XRN2: variants seen among roughly 807,000 people sequenced by gnomAD.
XRN2 encodes 5'-3' exoribonuclease 2.
A neutral mutation model predicts 138.5 loss-of-function variants in XRN2; 44 were observed. The ratio of observed to expected loss-of-function variants is 0.32; its 90% CI spans 0.25 to 0.41. The LOEUF is 0.41. Among genes scored for constraint, XRN2 ranks in the 10% least tolerant of loss-of-function variants. The probability of loss-of-function intolerance (pLI) is 1.00; values close to 1 mark genes in which losing one functional copy is unlikely to be tolerated. For synonymous variants in XRN2, 354 were observed against 369.4 expected (o/e 0.96, Z 0.48); for missense variants, 937 against 1,169.3 (o/e 0.80, Z 2.90).
intron 24 of XRN2, among the ~76,000 whole-genome samples, chr20:21,363,564 T>TG (rs1220260384): frequency 1.5e-4 from 23 of 152,112 alleles, no homozygotes; most frequent in Admixed American, 1.5e-3. Flanking sequence ...CAGTGAAGAG[T>TG]GAGTTGTAAG....
At chr20:21,356,795 C>G in intron 23 of XRN2, 130 bp downstream of exon 23, 1 of 833,668 alleles carries the variant, frequency 1.2e-6, no homozygotes, top group Non-Finnish European at 1.8e-6. Context: ...CAAAACCTTG[C>G]TGACTGAAAA....
At chr20:21,375,625 ATATT>A (rs1287343762) in intron 27 of XRN2, among the ~76,000 whole-genome samples, 1 of 151,480 alleles carries the variant, frequency 6.6e-6, no homozygotes, top group African/African-American at 2.4e-5. Context: ...TTTTAAAAAT[ATATT>A]TATTTCTTAA....
chr20:21,358,940 A>T (rs184632975), intron 24 of XRN2, among the ~76,000 whole-genome samples: 27 of 152,316 alleles, frequency 1.8e-4, no homozygotes, highest in Middle Eastern at 3.4e-3. Context: ...GGCTTTCATT[A>T]AAGCATTGGC....
intron 1 of XRN2, among the ~76,000 whole-genome samples, chr20:21,308,877 C>T (rs2037839724): frequency 1.3e-5 from 2 of 151,878 alleles, no homozygotes; most frequent in African/African-American, 2.4e-5. Context: ...TTAAGGAATC[C>T]TTTGTCAAAG....
rs760429916 is a variant in XRN2, at chr20:21,346,496, A to G, written c.1611A>G (p.Lys537=). The part of the protein sequence containing the change: ...VDAADEKFRR[K]VVQSYVEGLC... ...CAGCTGATGAGAAATTCCGTCGGAA[A>G]GTTGTGCAGTCGTACGTTGAAGGAC... The change falls in exon 17 of 30, where the codon AAA becomes AAG. Residue 537 remains lysine, a synonymous_variant. Coordinates refer to ENST00000377191, the MANE Select transcript of XRN2 (RefSeq NM_012255.5). 21 of 1,614,090 alleles carry G rather than the reference A, an allele frequency of 1.3e-5. No homozygotes were observed. The Admixed American group carries it at 1.3e-4, about 10-fold the overall frequency.
chr20:21,376,084 C>T (rs537801553), intron 27 of XRN2, among the ~76,000 whole-genome samples: 7 of 152,124 alleles, frequency 4.6e-5, no homozygotes, highest in African/African-American at 9.7e-5. Flanking sequence ...GTGATCCGTC[C>T]GCCTCGGCCT....
At chr20:21,364,271 A>G (rs1049272378) in intron 24 of XRN2, among the ~76,000 whole-genome samples, 5 of 152,152 alleles carry the variant, frequency 3.3e-5, no homozygotes, top group African/African-American at 1.2e-4. Context: ...ACTGTTATTC[A>G]TACACTTGGG....
chr20:21,322,403 C>T (rs933784115), intron 1 of XRN2, among the ~76,000 whole-genome samples: 11 of 152,136 alleles, frequency 7.2e-5, no homozygotes, highest in African/African-American at 2.7e-4. Flanking sequence ...AAATATCACC[C>T]ATGGTTTGAA....
chr20:21,354,959 T>C (rs2038558555), intron 21 of XRN2, 87 bp downstream of exon 21: 1 of 1,084,268 alleles, frequency 9.2e-7, no homozygotes, highest in Admixed American at 2.5e-5. Flanking sequence ...TTCTCCTGTT[T>C]GTCAGATTTC....
chr20:21,353,766 G>A (rs1002224280), intron 20 of XRN2, among the ~76,000 whole-genome samples: 1 of 147,390 alleles, frequency 6.8e-6, no homozygotes, highest in Non-Finnish European at 1.5e-5. Flanking sequence ...CTGCACTCCA[G>A]CTTGGGTGAC....
chr20:21,325,956 C>T (rs2038123009), intron 1 of XRN2, among the ~76,000 whole-genome samples: 1 of 152,124 alleles, frequency 6.6e-6, no homozygotes, highest in African/African-American at 2.4e-5. Context: ...GTTACTTTGA[C>T]AGGACTTACT....
chr20:21,362,801 A>G (rs1368755851), intron 24 of XRN2, among the ~76,000 whole-genome samples: 1 of 152,176 alleles, frequency 6.6e-6, no homozygotes, highest in Non-Finnish European at 1.5e-5. Context: ...CATCTGTTGT[A>G]TGTATCAGAT....
chr20:21,352,413 C>T (rs573363797), intron 20 of XRN2, among the ~76,000 whole-genome samples: 1 of 152,066 alleles, frequency 6.6e-6, no homozygotes, highest in African/African-American at 2.4e-5. Context: ...CTGTAACCTC[C>T]GTCTCACAGG....
Position 21,333,340 on chromosome 20 carries a change from G to A in XRN2, c.859-204G>A, listed in dbSNP as rs556333797. ...ATAATTTACTGTCTGGCCCTTTGCA[G>A]AAAATGTTTGCTGACCCCTGATCTA... On this transcript the variant is annotated intron_variant, in intron 9 of 29. Coordinates refer to ENST00000377191, the MANE Select transcript of XRN2 (RefSeq NM_012255.5). Among the ~76,000 whole-genome samples, 27 of 152,286 alleles carry A rather than the reference G, an allele frequency of 1.8e-4. 1 individual carries two copies. The highest frequency in any genetic ancestry group is 3.3e-4 in the Admixed American group (5 of 15,302).
chr20:21,345,120 T>A (rs1479287310), intron 16 of XRN2, among the ~76,000 whole-genome samples: 2 of 152,234 alleles, frequency 1.3e-5, no homozygotes, highest in Non-Finnish European at 2.9e-5. Context: ...CTGTATATCT[T>A]TAGTTTCTAT....
chr20:21,387,161 A>G (rs1447076649), intron 29 of XRN2, among the ~76,000 whole-genome samples, 155 bp downstream of exon 29: 3 of 152,208 alleles, frequency 2.0e-5, no homozygotes, highest in African/African-American at 7.2e-5. Context: ...AAAAATGTAT[A>G]TGGGTTGAGT....
chr20:21,311,667 G>A (rs750801674), intron 1 of XRN2, among the ~76,000 whole-genome samples: 1 of 152,028 alleles, frequency 6.6e-6, no homozygotes, highest in African/African-American at 2.4e-5. Context: ...CTTTGTAATT[G>A]GGCCATTTAG....
intron 1 of XRN2, 39 bp downstream of exon 1, chr20:21,303,512 G>A: frequency 6.5e-7 from 1 of 1,533,078 alleles, no homozygotes. Context: ...TCGAGCCCGG[G>A]CCCCCGGCAC....
chr20:21,330,785 T>A (rs1226690942), intron 6 of XRN2, 80 bp downstream of exon 6: 9 of 1,347,852 alleles, frequency 6.7e-6, no homozygotes, highest in Non-Finnish European at 8.4e-6. Context: ...ACATTATTTA[T>A]CCTTCTGCCC....
Sources: gnomAD v4.1 joint callset for allele counts (sites outside exome capture counted in the v4.1 genomes callset) on GRCh38, gnomAD v4.1.1 for gene constraint, MANE v1.5 for transcripts, NCBI Gene and HGNC (gene_info 2026-07-23, HGNC 2026-07-21) for gene names.